Variants in CPE observed in about 807,000 individuals in gnomAD.
The protein encoded by CPE is carbocypeptidase E.
CPE carries 17 observed loss-of-function variants against 53.5 expected under a neutral mutation model. The ratio of observed to expected loss-of-function variants is 0.32; its 90% CI spans 0.22 to 0.48. The LOEUF (loss-of-function observed/expected upper bound fraction) is 0.48, where lower values mean the gene tolerates loss of function less well. CPE is among the 20% of genes least tolerant of loss of function. The probability of loss-of-function intolerance (pLI) is 0.99; values close to 1 mark genes in which losing one functional copy is unlikely to be tolerated. For missense variants in CPE, 524 were observed against 614.7 expected, an observed-to-expected ratio of 0.85 and a Z score of 1.56; for synonymous variants, 226 against 228.8, an observed-to-expected ratio of 0.99 and a Z score of 0.11.
At chr4:165,481,354 G>A (rs969637319) in intron 3 of CPE, among the ~76,000 whole-genome samples, 1 of 152,138 alleles carries the variant, frequency 6.6e-6, no homozygotes, top group African/African-American at 2.4e-5. Context: ...CATAAACAGA[G>A]CAGAGCTATA....
chr4:165,487,297 A>G (rs945036057), intron 5 of CPE, 141 bp from the exon 6 acceptor site: 92 of 1,101,742 alleles, frequency 8.4e-5, no homozygotes, highest in Non-Finnish European at 1.1e-4. Context: ...ACAGCAGATG[A>G]TTTCCCTTAA....
intron 1 of CPE, among the ~76,000 whole-genome samples, chr4:165,462,083 T>A (rs1325015670): frequency 6.6e-6 from 1 of 152,156 alleles, no homozygotes; most frequent in Non-Finnish European, 1.5e-5. Context: ...TGGGGGAGAT[T>A]TTTCCTGAGA....
At chr4:165,441,600 C>A (rs1201714238) in intron 1 of CPE, among the ~76,000 whole-genome samples, 1 of 152,110 alleles carries the variant, frequency 6.6e-6, no homozygotes, top group African/African-American at 2.4e-5. Context: ...CCAATTACGC[C>A]TAATTATTTG....
At chr4:165,409,702 T>C (rs1316860258) in intron 1 of CPE, among the ~76,000 whole-genome samples, 1 of 152,184 alleles carries the variant, frequency 6.6e-6, no homozygotes, top group Non-Finnish European at 1.5e-5. Flanking sequence ...AATACTGTGG[T>C]GATCTTATCC....
chr4:165,485,980 C>G (rs34671098), intron 5 of CPE, among the ~76,000 whole-genome samples: 34,001 of 152,072 alleles, frequency 0.22, 4,321 homozygotes, highest in Non-Finnish European at 0.29. Context: ...GGGTTGTGGT[C>G]TCAGGCAAAG....
In CPE at chr4:165,404,825, A is replaced by G. The variant is rs1730926952; in HGVS notation, c.307+25297A>G. On this transcript the variant is annotated intron_variant, in intron 1 of 8. Transcript: ENST00000402744. The stretch of plus-strand genomic sequence containing the variant: ...TTTGGAAGTCTTCTTGGTTGTGATC[A>G]TCTCCAGCAGCTGCATCTTGTCTGC... 3.9e-6 allele frequency: 3 copies of G among 767,512 alleles called. No individual in the cohort carries two copies. In the East Asian group the frequency reaches 7.4e-5, roughly 19 times the overall value. 47.5% of individuals were successfully genotyped at this position (767,512 alleles called of 1,614,324 possible).
intron 1 of CPE, among the ~76,000 whole-genome samples, chr4:165,444,877 T>C (rs1237903022): frequency 4.6e-5 from 7 of 152,224 alleles, no homozygotes; most frequent in Non-Finnish European, 8.8e-5. Context: ...CTAGTTACTT[T>C]GTTTTGTAAT....
chr4:165,409,888 A>G (rs1426713597), intron 1 of CPE, among the ~76,000 whole-genome samples: 2 of 152,150 alleles, frequency 1.3e-5, no homozygotes, highest in African/African-American at 4.8e-5. Context: ...TCCTCTTTCT[A>G]AGGTAGTTTT....
chr4:165,430,610 T>G (rs1033303337), intron 1 of CPE, among the ~76,000 whole-genome samples: 9 of 152,118 alleles, frequency 5.9e-5, no homozygotes, highest in Non-Finnish European at 1.2e-4. Flanking sequence ...TAGTTTGCAC[T>G]TCATGTTGGA....
At chr4:165,385,954 AC>A (rs1391390100) in intron 1 of CPE, among the ~76,000 whole-genome samples, 1 of 151,926 alleles carries the variant, frequency 6.6e-6, no homozygotes, top group Non-Finnish European at 1.5e-5. Context: ...TAACTTTCTT[AC>A]CCCTGCTGGG....
At chr4:165,456,462 A>G (rs1731903094) in intron 1 of CPE, among the ~76,000 whole-genome samples, 1 of 152,208 alleles carries the variant, frequency 6.6e-6, no homozygotes, top group Admixed American at 6.5e-5. Context: ...CTAGCATGAA[A>G]TGAAACAAAA....
In CPE at chr4:165,383,382, C is replaced by T. The variant is rs145639087; in HGVS notation, c.307+3854C>T. On this transcript the variant is annotated intron_variant, in intron 1 of 8. Transcript: ENST00000402744. The stretch of plus-strand genomic sequence containing the variant: ...GTATATCCATCATCGAAATACAGTA[C>T]TCATAAAAGAAACCTTTATTAACTT... Among the ~76,000 whole-genome samples, 333 of 152,244 alleles carry T rather than the reference C, an allele frequency of 2.2e-3. 1 individual carries two copies. Among genetic ancestry groups the T allele is most frequent in the Non-Finnish European group, 3.4e-3 (231 of 68,026 alleles).
chr4:165,451,525 T>C (rs984606369), intron 1 of CPE, among the ~76,000 whole-genome samples: 2 of 152,110 alleles, frequency 1.3e-5, no homozygotes, highest in African/African-American at 4.8e-5. Context: ...AGAGTCTCGC[T>C]CCGTTGCCCA....
intron 1 of CPE, chr4:165,415,349 A>T (rs1731104133): frequency 1.8e-5 from 3 of 166,530 alleles, no homozygotes; most frequent in African/African-American, 7.2e-5. Flanking sequence ...TGCTACCTAG[A>T]GGGTAATTTT....
chr4:165,452,219 A>G (rs1406967640), intron 1 of CPE, among the ~76,000 whole-genome samples: 2 of 152,198 alleles, frequency 1.3e-5, no homozygotes, highest in African/African-American at 2.4e-5. Flanking sequence ...AAGTTCTAAT[A>G]TTCAACACTA....
At chr4:165,490,450 G>A (rs1350039430) in intron 6 of CPE, among the ~76,000 whole-genome samples, 4 of 151,774 alleles carry the variant, frequency 2.6e-5, no homozygotes, top group Admixed American at 6.6e-5. Context: ...TGGCTAACAC[G>A]GTGAAACCCT....
chr4:165,474,943 C>T lies in CPE; in HGVS notation c.672+7088C>T, dbSNP rs1010856045. On this transcript the variant is annotated intron_variant, in intron 3 of 8. Transcript: ENST00000402744. ...ACTGCCACAAGATGGCTGGATTTCC[C>T]TCCCTTCGAATATGACCTTGAAGGT... is the stretch of plus-strand genomic sequence containing the variant. Among the ~76,000 whole-genome samples the T allele has an allele frequency of 2.6e-5, 4 of 152,288 alleles. No homozygotes were observed. In the South Asian group the frequency reaches 6.2e-4, roughly 24 times the overall value.
chr4:165,463,452 T>G lies in CPE; in HGVS notation c.308-938T>G, dbSNP rs553414731. ...TCTATTGTTATCTCTAATTTTTAGA[T>G]GGAAAAACAGAGCCACAGAGAACTG... On this transcript the variant is annotated intron_variant, in intron 1 of 8. Coordinates refer to ENST00000402744, the MANE Select transcript of CPE (RefSeq NM_001873.4). Among the ~76,000 whole-genome samples, 4 of 152,300 alleles carry G rather than the reference T, an allele frequency of 2.6e-5. No individual in the cohort carries two copies. In the East Asian group the frequency reaches 7.7e-4, roughly 29 times the overall value.
chr4:165,488,400 A>T (rs1472076115), intron 6 of CPE, among the ~76,000 whole-genome samples: 1 of 152,066 alleles, frequency 6.6e-6, no homozygotes, highest in East Asian at 1.9e-4. Context: ...ATTTTGGGGG[A>T]TCTCACCATC....
Sources: allele counts gnomAD v4.1 joint callset (sites outside exome capture counted in the v4.1 genomes callset), GRCh38; gene constraint gnomAD v4.1.1; transcripts MANE v1.5; gene names NCBI Gene and HGNC (gene_info 2026-07-23, HGNC 2026-07-21).